The following PLCZ1 variants were observed in gnomAD, a reference collection of about 807,000 sequenced individuals.
PLCZ1 encodes the protein phospholipase C zeta 1.
In PLCZ1, 64 loss-of-function variants were observed where a neutral mutation model predicts 76.8. The ratio of observed to expected loss-of-function variants is 0.83; its 90% confidence interval spans 0.68 to 1.03. The LOEUF (loss-of-function observed/expected upper bound fraction) is 1.03. Ranked by LOEUF, PLCZ1 falls within the 50% of genes least tolerant of loss-of-function variation. The pLI is 0.00. For missense variants in PLCZ1, 751 were observed against 713.7 expected, an observed-to-expected ratio of 1.05 and a Z score of -0.60; for synonymous variants, 248 against 230.8, an observed-to-expected ratio of 1.07 and a Z score of -0.68.
intron 6 of PLCZ1, among the ~76,000 whole-genome samples, chr12:18,711,384 T>C (rs1462812073): frequency 5.3e-4 from 30 of 56,816 alleles, no homozygotes; most frequent in Non-Finnish European, 8.2e-4. Context: ...GGGACTGTTG[T>C]GGGGTGGGGG....
chr12:18,672,070 A>T, the PLCZ1 span, among the ~76,000 whole-genome samples: 2 of 152,196 alleles, frequency 1.3e-5, no homozygotes, highest in Admixed American at 6.5e-5. Flanking sequence ...ATTTCAGCAT[A>T]TGAATTTTAT....
chr12:18,736,409 G>C, intron 2 of PLCZ1, 65 bp from the exon 3 acceptor site: 1 of 1,510,652 alleles, frequency 6.6e-7, no homozygotes, highest in South Asian at 1.2e-5. Context: ...AATTCCTAAA[G>C]AAACATTTGA....
At chr12:18,703,513 C>T (rs1222953725) in intron 7 of PLCZ1, among the ~76,000 whole-genome samples, 7 of 152,132 alleles carry the variant, frequency 4.6e-5, no homozygotes, top group African/African-American at 1.7e-4. Context: ...AGATGTTATA[C>T]ATTGACCAGA....
chr12:18,661,733 T>C, the PLCZ1 span, among the ~76,000 whole-genome samples: 1 of 152,138 alleles, frequency 6.6e-6, no homozygotes, highest in Non-Finnish European at 1.5e-5. Flanking sequence ...GAAAGCAGTT[T>C]GGTGATTTCT....
intron 3 of PLCZ1, among the ~76,000 whole-genome samples, chr12:18,726,979 A>T (rs1958786505): frequency 6.6e-6 from 1 of 152,168 alleles, no homozygotes; most frequent in African/African-American, 2.4e-5. Flanking sequence ...CAAAAGTAAC[A>T]TATTGTCAGT....
chr12:18,694,139 C>A, intron 12 of PLCZ1: 1 of 844,150 alleles, frequency 1.2e-6, no homozygotes, highest in South Asian at 1.6e-5. Flanking sequence ...TGGGTGATTT[C>A]TCAGTCCCTG....
intron 14 of PLCZ1, chr12:18,683,661 G>C: frequency 7.6e-7 from 1 of 1,310,702 alleles, no homozygotes; most frequent in Non-Finnish European, 1.0e-6. Flanking sequence ...ATTGAGACAA[G>C]GTAATTGGGA....
At chr12:18,733,945 T>G (rs948516623) in intron 3 of PLCZ1, among the ~76,000 whole-genome samples, 22 of 152,336 alleles carry the variant, frequency 1.4e-4, no homozygotes, top group Non-Finnish European at 2.4e-4. Flanking sequence ...TTTTGGTTAT[T>G]CAGGGTCTTT....
At chr12:18,733,550 T>C (rs904516588) in intron 3 of PLCZ1, among the ~76,000 whole-genome samples, 2 of 152,196 alleles carry the variant, frequency 1.3e-5, no homozygotes, top group African/African-American at 4.8e-5. Flanking sequence ...CCAAGCCCAA[T>C]GTCAAAAAGC....
chr12:18,696,570 T>C (rs1216019378), intron 10 of PLCZ1, among the ~76,000 whole-genome samples: 1 of 151,992 alleles, frequency 6.6e-6, no homozygotes, highest in East Asian at 1.9e-4. Flanking sequence ...CCAAATTATT[T>C]CACTTTGTTG....
the PLCZ1 span, among the ~76,000 whole-genome samples, chr12:18,664,597 G>C: frequency 6.6e-6 from 1 of 152,064 alleles, no homozygotes; most frequent in African/African-American, 2.4e-5. Context: ...TAGAATAGTG[G>C]TTGCCAGGTC....
chr12:18,727,540 A>T (rs1958822359), intron 3 of PLCZ1, among the ~76,000 whole-genome samples: 1 of 152,140 alleles, frequency 6.6e-6, no homozygotes, highest in Non-Finnish European at 1.5e-5. Flanking sequence ...TCTATTTGTT[A>T]AGATCAGAGC....
rs1952902010 is a variant in PLCZ1 at position 18,685,110 on chromosome 12, C to T, written c.1592-831G>A. Among the ~76,000 whole-genome samples, 4 of 152,168 alleles carry T rather than the reference C, an allele frequency of 2.6e-5. No homozygotes were observed. The South Asian group carries it at 8.3e-4, about 32-fold the overall frequency. On this transcript the variant is annotated intron_variant, in intron 13 of 14. Coordinates refer to ENST00000266505, the MANE Select transcript of PLCZ1 (RefSeq NM_033123.4). ...CAATATGAAAATGGACTAATACAGT[C>T]AGTCTTATTATGGGAAGAGTTCCAT... is the stretch of plus-strand genomic sequence containing the variant.
At chr12:18,680,418 G>A (rs1193156456), downstream of PLCZ1, among the ~76,000 whole-genome samples, 1 of 151,800 alleles carries the variant, frequency 6.6e-6, no homozygotes, top group Non-Finnish European at 1.5e-5. Context: ...ACAGCTACAG[G>A]GAAGCTTCCT....
At chr12:18,647,495 A>G in the PLCZ1 span, among the ~76,000 whole-genome samples, 1 of 152,088 alleles carries the variant, frequency 6.6e-6, no homozygotes, top group Non-Finnish European at 1.5e-5. Context: ...TTAACCTTCA[A>G]CACAGAAGAA....
chr12:18,683,534 C>G (rs1383491480), intron 14 of PLCZ1: 6 of 1,510,544 alleles, frequency 4.0e-6, no homozygotes, highest in Non-Finnish European at 5.3e-6. Flanking sequence ...ACTGAATACA[C>G]AGCTCATACT....
chr12:18,650,692 GTGTGTGTGTGTGTATATATC>G, the PLCZ1 span, among the ~76,000 whole-genome samples: 24 of 38,642 alleles, frequency 6.2e-4, no homozygotes, highest in South Asian at 1.1e-3. Context: ...GTGTGTGTGT[GTGTGTGTGTGTGTATATATC>G]TATATATATA....
chr12:18,666,376 G>A, the PLCZ1 span, among the ~76,000 whole-genome samples: 5 of 151,992 alleles, frequency 3.3e-5, no homozygotes, highest in Non-Finnish European at 7.4e-5. Context: ...ACACAAATAT[G>A]TTGAAAATGG....
intron 13 of PLCZ1, 63 bp downstream of exon 13, chr12:18,688,026 T>G: frequency 6.3e-7 from 1 of 1,585,816 alleles, no homozygotes; most frequent in Non-Finnish European, 8.6e-7. Context: ...TATCAACATA[T>G]AATTTGTAAG....
Sources: gnomAD v4.1 joint callset for allele counts (sites outside exome capture counted in the v4.1 genomes callset) on GRCh38, gnomAD v4.1.1 for gene constraint, MANE v1.5 for transcripts, NCBI Gene and HGNC (gene_info 2026-07-23, HGNC 2026-07-21) for gene names.